The following RGS7BP variants were observed in gnomAD, a reference collection of about 807,000 sequenced individuals.
RGS7BP encodes the protein regulator of G protein signaling 7 binding protein.
In RGS7BP, 9 loss-of-function variants were observed where a neutral mutation model predicts 31.3. That is an observed-to-expected ratio of 0.29 (90% CI 0.17 to 0.50). RGS7BP has a LOEUF of 0.50. RGS7BP is among the 20% of genes least tolerant of loss of function. The pLI is 0.98. For missense variants in RGS7BP, 274 were observed against 322.0 expected, an observed-to-expected ratio of 0.85 and a Z score of 1.14; for synonymous variants, 115 against 120.1, an observed-to-expected ratio of 0.96 and a Z score of 0.28.
At chr5:64,573,726 A>AAGT (rs1202176946) in intron 2 of RGS7BP, 6 of 148,676 alleles carry the variant, frequency 4.0e-5, no homozygotes, top group Admixed American at 2.7e-4. Context: ...ATTGCACAGT[A>AAGT]AGTAGCATGA....
intron 2 of RGS7BP, among the ~76,000 whole-genome samples, chr5:64,558,071 TC>T: frequency 6.6e-6 from 1 of 152,128 alleles, no homozygotes; most frequent in African/African-American, 2.4e-5. Flanking sequence ...GCTTGGCTTC[TC>T]AGGGGTGCCT....
chr5:64,559,461 G>A (rs1037428838), intron 2 of RGS7BP, among the ~76,000 whole-genome samples: 5 of 152,146 alleles, frequency 3.3e-5, no homozygotes, highest in Non-Finnish European at 5.9e-5. Flanking sequence ...CCACTGGCAT[G>A]TCAACATTAT....
intron 2 of RGS7BP, among the ~76,000 whole-genome samples, chr5:64,519,903 G>A (rs75159517): frequency 6.6e-6 from 1 of 152,116 alleles, no homozygotes; most frequent in Non-Finnish European, 1.5e-5. Context: ...GTAGGTGGAT[G>A]GGAGCTGAGA....
At chr5:64,557,272 C>T (rs1741950398) in intron 2 of RGS7BP, among the ~76,000 whole-genome samples, 1 of 152,118 alleles carries the variant, frequency 6.6e-6, no homozygotes, top group Non-Finnish European at 1.5e-5. Flanking sequence ...AGTTATGCTC[C>T]CCAACGTACC....
chr5:64,531,759 G>T lies in RGS7BP; in HGVS notation c.332+23882G>T, dbSNP rs1263228803. ...GTTTGTGCACATGTATGGTAGGCTT[G>T]TTCTCACATGATTTTGAGCGTATGT... On this transcript the variant is annotated intron_variant, in intron 2 of 5. Transcript: ENST00000334025. Among the ~76,000 whole-genome samples, 3 of 152,286 alleles carry T rather than the reference G, an allele frequency of 2.0e-5. No homozygotes were observed. The South Asian group carries it at 6.2e-4, about 32-fold the overall frequency.
At chr5:64,537,940 A>G (rs1307505358) in intron 2 of RGS7BP, among the ~76,000 whole-genome samples, 1 of 152,204 alleles carries the variant, frequency 6.6e-6, no homozygotes, top group Non-Finnish European at 1.5e-5. Context: ...AAAAGACAGG[A>G]AAGAAAGAGG....
chr5:64,583,959 A>G (rs1291850679), intron 3 of RGS7BP, among the ~76,000 whole-genome samples: 4 of 152,188 alleles, frequency 2.6e-5, no homozygotes, highest in African/African-American at 9.7e-5. Context: ...CATTATACAC[A>G]TTATCTTATT....
At chr5:64,583,530 G>A (rs1742659379) in intron 3 of RGS7BP, among the ~76,000 whole-genome samples, 2 of 152,066 alleles carry the variant, frequency 1.3e-5, no homozygotes, top group South Asian at 2.1e-4. Context: ...AGAAAGAACA[G>A]AAATAAACAA....
At chr5:64,578,757 G>A (rs1742504178) in intron 3 of RGS7BP, among the ~76,000 whole-genome samples, 1 of 152,172 alleles carries the variant, frequency 6.6e-6, no homozygotes, top group Non-Finnish European at 1.5e-5. Flanking sequence ...TGATCTGTGT[G>A]ATGGCTCATA....
intron 2 of RGS7BP, 45 bp from the exon 3 acceptor site, chr5:64,575,728 GA>G (rs1156395622): frequency 1.3e-6 from 2 of 1,565,360 alleles, no homozygotes; most frequent in Non-Finnish European, 1.7e-6. Context: ...GCTGATGAGT[GA>G]AATCTTGAGA....
intron 2 of RGS7BP, among the ~76,000 whole-genome samples, chr5:64,564,211 C>T (rs1264688526): frequency 6.6e-6 from 1 of 152,170 alleles, no homozygotes; most frequent in Non-Finnish European, 1.5e-5. Context: ...TGCCACTGGT[C>T]ATGTTCTGCC....
intron 3 of RGS7BP, among the ~76,000 whole-genome samples, chr5:64,585,400 C>G (rs572154946): frequency 6.6e-6 from 1 of 151,958 alleles, no homozygotes; most frequent in African/African-American, 2.4e-5. Flanking sequence ...TCCATTGTCA[C>G]TGGCAAGCTG....
intron 3 of RGS7BP, among the ~76,000 whole-genome samples, chr5:64,592,220 G>A (rs930917255): frequency 1.3e-5 from 2 of 152,134 alleles, no homozygotes; most frequent in African/African-American, 4.8e-5. Context: ...GTTAGCTAAA[G>A]AAGATACCAT....
At chr5:64,531,675 T>C (rs2111925230) in intron 2 of RGS7BP, among the ~76,000 whole-genome samples, 1 of 152,324 alleles carries the variant, frequency 6.6e-6, no homozygotes, top group East Asian at 1.9e-4. Context: ...CACTGAGGTT[T>C]CCAGCATCTG....
intron 2 of RGS7BP, among the ~76,000 whole-genome samples, chr5:64,540,775 A>G (rs1580412153): frequency 6.6e-6 from 1 of 152,174 alleles, no homozygotes. Context: ...TTTCATCAGG[A>G]CAGACACTTG....
intron 2 of RGS7BP, among the ~76,000 whole-genome samples, chr5:64,559,966 A>C (rs1742014503): frequency 6.6e-6 from 1 of 152,180 alleles, no homozygotes; most frequent in African/African-American, 2.4e-5. Context: ...TGAATGGATA[A>C]AGGTTTACTG....
intron 2 of RGS7BP, among the ~76,000 whole-genome samples, chr5:64,546,364 G>A (rs1047112817): frequency 1.1e-4 from 16 of 152,156 alleles, no homozygotes; most frequent in African/African-American, 3.9e-4. Context: ...GCAGCACCCT[G>A]AGAGGTAGGA....
intron 2 of RGS7BP, among the ~76,000 whole-genome samples, chr5:64,508,750 G>T (rs1435627580): frequency 6.6e-6 from 1 of 152,160 alleles, no homozygotes; most frequent in Non-Finnish European, 1.5e-5. Context: ...TTATCTATGT[G>T]AGTATAGCTT....
chr5:64,518,363 G>A (rs1180607060), intron 2 of RGS7BP, among the ~76,000 whole-genome samples: 2 of 151,630 alleles, frequency 1.3e-5, no homozygotes, highest in Non-Finnish European at 1.5e-5. Flanking sequence ...TGTGGTGGTG[G>A]TGGCGGGGGT....
Sources: allele counts gnomAD v4.1 joint callset (sites outside exome capture counted in the v4.1 genomes callset), GRCh38; gene constraint gnomAD v4.1.1; transcripts MANE v1.5; gene names NCBI Gene and HGNC (gene_info 2026-07-23, HGNC 2026-07-21).